The following UXS1 variants were observed in gnomAD, a reference collection of about 807,000 sequenced individuals.
UXS1 encodes UDP-glucuronate decarboxylase 1.
A neutral mutation model predicts 62.6 loss-of-function variants in UXS1; 33 were observed. The ratio of observed to expected loss-of-function variants is 0.53; its 90% CI spans 0.40 to 0.70. The LOEUF is 0.70. Ranked by LOEUF, UXS1 falls within the 30% of genes least tolerant of loss-of-function variation. UXS1 has a pLI of 0.00. For synonymous variants in UXS1, 213 were observed against 206.8 expected, an observed-to-expected ratio of 1.03 and a Z score of -0.26; for missense variants, 434 against 556.3, an observed-to-expected ratio of 0.78 and a Z score of 2.21.
intron 12 of UXS1, among the ~76,000 whole-genome samples, chr2:106,099,756 C>T (rs1376126227): frequency 6.6e-6 from 1 of 152,162 alleles, no homozygotes; most frequent in Non-Finnish European, 1.5e-5. Flanking sequence ...TCGGGCCTCT[C>T]CAGTGTACAC....
intron 14 of UXS1, among the ~76,000 whole-genome samples, chr2:106,095,235 C>T (rs2104817103): frequency 6.6e-6 from 1 of 152,200 alleles, no homozygotes; most frequent in Non-Finnish European, 1.5e-5. Context: ...AAAATATAGG[C>T]TCTCCTTACA....
At chr2:106,152,470 AAAGG>A (rs1173381332) in intron 5 of UXS1, among the ~76,000 whole-genome samples, 1 of 104,744 alleles carries the variant, frequency 9.5e-6, no homozygotes, top group East Asian at 2.8e-4. Context: ...GAAAGAAAAG[AAAGG>A]AAGGAAGGAA....
At chr2:106,098,008 C>G (rs969443937) in intron 13 of UXS1, among the ~76,000 whole-genome samples, 4 of 152,228 alleles carry the variant, frequency 2.6e-5, no homozygotes, top group African/African-American at 9.6e-5. Flanking sequence ...TTAACCCAGC[C>G]AAGCGGGGTC....
intron 5 of UXS1, among the ~76,000 whole-genome samples, chr2:106,149,721 T>TA (rs1405809151): frequency 6.6e-6 from 1 of 152,218 alleles, no homozygotes; most frequent in Admixed American, 6.5e-5. Context: ...AGTGGGATGA[T>TA]GCTTATACAA....
intron 1 of UXS1, among the ~76,000 whole-genome samples, chr2:106,188,467 C>T (rs554054961): frequency 6.6e-6 from 1 of 152,178 alleles, no homozygotes; most frequent in East Asian, 1.9e-4. Flanking sequence ...AGGACAAGTT[C>T]CAGCTCCTGT....
intron 10 of UXS1, among the ~76,000 whole-genome samples, chr2:106,109,972 G>A (rs1678445575): frequency 1.3e-5 from 2 of 152,212 alleles, no homozygotes; most frequent in South Asian, 4.1e-4. Flanking sequence ...TCCTCAGTAA[G>A]CCGAGTGTTT....
intron 14 of UXS1, among the ~76,000 whole-genome samples, chr2:106,096,271 TGAATGTGA>T (rs957850933): frequency 1.3e-5 from 2 of 151,298 alleles, no homozygotes; most frequent in African/African-American, 4.9e-5. Flanking sequence ...CGCATGTGAG[TGAATGTGA>T]GAATGTGTAT....
At chr2:106,119,231 C>T (rs1679321925) in intron 9 of UXS1, among the ~76,000 whole-genome samples, 1 of 152,150 alleles carries the variant, frequency 6.6e-6, no homozygotes, top group African/African-American at 2.4e-5. Context: ...AGCCTTGGCG[C>T]CTTTGGACTT....
At chr2:106,148,201 A>C (rs971754949) in intron 5 of UXS1, among the ~76,000 whole-genome samples, 2 of 152,198 alleles carry the variant, frequency 1.3e-5, no homozygotes, top group African/African-American at 4.8e-5. Context: ...CCCACATTCT[A>C]CTGCTATACC....
At chr2:106,098,662 A>T (rs1677324943) in intron 13 of UXS1, 54 bp downstream of exon 13, 2 of 1,475,794 alleles carry the variant, frequency 1.4e-6, no homozygotes, top group Non-Finnish European at 9.4e-7. Context: ...GGTGTTATTA[A>T]CAGATAGGGC....
intron 6 of UXS1, among the ~76,000 whole-genome samples, chr2:106,143,408 C>CAAAAAAAAAAAAAAAAAAA (rs60493984): frequency 1.6e-4 from 6 of 38,654 alleles, no homozygotes; most frequent in Non-Finnish European, 2.6e-4. Flanking sequence ...GACTCCGTCT[C>CAAAAAAAAAAAAAAAAAAA]AAAAAAAAAA....
chr2:106,179,953 A>G (rs1684135679), intron 1 of UXS1, among the ~76,000 whole-genome samples: 1 of 152,138 alleles, frequency 6.6e-6, no homozygotes, highest in Non-Finnish European at 1.5e-5. Context: ...TAAAAAAAAT[A>G]ACAAAATTAG....
At chr2:106,124,059 A>G (rs1679737023) in intron 8 of UXS1, among the ~76,000 whole-genome samples, 1 of 152,230 alleles carries the variant, frequency 6.6e-6, no homozygotes, top group African/African-American at 2.4e-5. Flanking sequence ...AGAAAGGTCT[A>G]TGTATCTGCT....
At chr2:106,145,765 A>G (rs1681509835) in intron 5 of UXS1, among the ~76,000 whole-genome samples, 1 of 152,252 alleles carries the variant, frequency 6.6e-6, no homozygotes, top group African/African-American at 2.4e-5. Context: ...ACTTTATAGA[A>G]AAAACGATTA....
Position 106,150,558 on chromosome 2 carries a change from G to A in UXS1, c.292-5188C>T, listed in dbSNP as rs115381891. Among the ~76,000 whole-genome samples the A allele has an allele frequency of 3.5e-3, 533 of 152,342 alleles. 4 individuals are homozygous for A. The highest frequency in any genetic ancestry group is 0.012 in the African/African-American group (500 of 41,584). On this transcript the variant is annotated intron_variant, in intron 5 of 14. Coordinates refer to ENST00000283148, the MANE Select transcript of UXS1 (RefSeq NM_001253875.2). ...CAGTCCAGGTGCAGCTCAAGCTACC[G>A]CTCCGGAAGATATAGGCTGTAAACC...
intron 1 of UXS1, among the ~76,000 whole-genome samples, chr2:106,186,646 C>G (rs570641745): frequency 1.3e-3 from 198 of 151,948 alleles, no homozygotes; most frequent in Non-Finnish European, 2.4e-4. Flanking sequence ...AGATTTTAAA[C>G]TAAACAAAAA....
intron 5 of UXS1, among the ~76,000 whole-genome samples, chr2:106,148,514 C>T (rs535201003): frequency 2.0e-5 from 3 of 152,266 alleles, no homozygotes; most frequent in South Asian, 2.1e-4. Flanking sequence ...AGAGATGCAG[C>T]GTATTAAATT....
chr2:106,193,461 C>G (rs1162352474), intron 1 of UXS1, among the ~76,000 whole-genome samples: 1 of 152,040 alleles, frequency 6.6e-6, no homozygotes, highest in African/African-American at 2.4e-5. Context: ...AGGCAGCATG[C>G]TGTGAGCGAT....
intron 5 of UXS1, among the ~76,000 whole-genome samples, chr2:106,148,171 C>T (rs978006367): frequency 1.2e-4 from 18 of 152,162 alleles, no homozygotes; most frequent in African/African-American, 4.3e-4. Context: ...TTGTCTGGTT[C>T]GTGTTTCATC....
Sources: gnomAD v4.1 joint callset for allele counts (sites outside exome capture counted in the v4.1 genomes callset) on GRCh38, gnomAD v4.1.1 for gene constraint, MANE v1.5 for transcripts, NCBI Gene and HGNC (gene_info 2026-07-23, HGNC 2026-07-21) for gene names.